SLIT3: variants seen among roughly 807,000 people sequenced by gnomAD.
The protein encoded by SLIT3 is slit homolog 3 protein.
Under a neutral mutation model 184.0 loss-of-function variants are expected in SLIT3, and 68 were observed. The ratio of observed to expected loss-of-function variants is 0.37; its 90% CI spans 0.30 to 0.45. SLIT3 has a LOEUF of 0.45. Among genes scored for constraint, SLIT3 ranks in the 20% least tolerant of loss-of-function variants. SLIT3 has a pLI of 1.00. For missense variants in SLIT3, 1,707 were observed against 2,026.0 expected (o/e 0.84, Z 3.02); for synonymous variants, 831 against 828.6 (o/e 1.00, Z -0.05).
chr5:168,743,574 A>G, intron 20 of SLIT3, among the ~76,000 whole-genome samples: 1 of 152,174 alleles, frequency 6.6e-6, no homozygotes, highest in East Asian at 1.9e-4. Flanking sequence ...GAGACAAAGT[A>G]CAATATTGAA....
intron 6 of SLIT3, among the ~76,000 whole-genome samples, chr5:168,828,658 C>CAAAAAAAAAAAAAAAAAAAAAA (rs56974958): frequency 2.8e-4 from 27 of 97,102 alleles, no homozygotes; most frequent in Middle Eastern, 5.8e-3. Context: ...GATCCTGACT[C>CAAAAAAAAAAAAAAAAAAAAAA]AAAAAAAAAA....
At chr5:168,812,027 C>T (rs762421250) in intron 8 of SLIT3, among the ~76,000 whole-genome samples, 1 of 152,114 alleles carries the variant, frequency 6.6e-6, no homozygotes, top group Non-Finnish European at 1.5e-5. Flanking sequence ...TACTATTCAG[C>T]CATAAAATAT....
chr5:169,074,737 C>T (rs999795666), intron 4 of SLIT3, among the ~76,000 whole-genome samples: 5 of 152,110 alleles, frequency 3.3e-5, no homozygotes, highest in East Asian at 1.9e-4. Context: ...AACATTTTTA[C>T]GGGGAAACAT....
chr5:169,066,260 C>T (rs1185121299), intron 4 of SLIT3, among the ~76,000 whole-genome samples: 1 of 152,192 alleles, frequency 6.6e-6, no homozygotes, highest in African/African-American at 2.4e-5. Flanking sequence ...CTATCTTCCC[C>T]TTTAGTATGA....
In SLIT3 at chr5:169,141,942, C is replaced by T. The variant is rs558338543; in HGVS notation, c.413+51537G>A. On this transcript the variant is annotated intron_variant, in intron 4 of 35. Coordinates refer to ENST00000519560, the MANE Select transcript of SLIT3 (RefSeq NM_003062.4). ...GCGCATGCCTGTAATCCCAGCTACTCGGGAGGCTGAGGCAGGAGAATAGCG... is the reference window on the plus strand; with the variant it reads ...GCGCATGCCTGTAATCCCAGCTACTTGGGAGGCTGAGGCAGGAGAATAGCG... Among the ~76,000 whole-genome samples, 150 of 150,634 alleles carry T rather than the reference C, an allele frequency of 1.0e-3. 5 individuals carry two copies. Among genetic ancestry groups the T allele is most frequent in the African/African-American group, 3.5e-3 (144 of 41,030 alleles).
chr5:169,230,130 T>C lies in SLIT3; in HGVS notation c.341+14575A>G, dbSNP rs79707646. ...AGCTATACCTGTCAATCATTTTGAA[T>C]ATATTCTATTTTTATCCTCCATGCT... On this transcript the variant is annotated intron_variant, in intron 3 of 35. Transcript: ENST00000519560. 7.2e-3 allele frequency among the ~76,000 whole-genome samples: 1,097 copies of C among 152,314 alleles called. 10 individuals carry two copies. Among genetic ancestry groups the C allele is most frequent in the African/African-American group, 0.025 (1,045 of 41,562 alleles).
At chr5:169,104,516 G>A (rs928967669) in intron 4 of SLIT3, among the ~76,000 whole-genome samples, 2 of 152,196 alleles carry the variant, frequency 1.3e-5, no homozygotes, top group African/African-American at 4.8e-5. Flanking sequence ...TTAATCTTAA[G>A]TCAAAGAACC....
chr5:169,184,429 G>C (rs1431992943), intron 4 of SLIT3, among the ~76,000 whole-genome samples: 1 of 152,164 alleles, frequency 6.6e-6, no homozygotes, highest in Non-Finnish European at 1.5e-5. Flanking sequence ...TTTCATGCAG[G>C]ATTCTTGGGA....
Position 168,664,608 on chromosome 5 carries a change from G to T in SLIT3, c.*1846C>A, listed in dbSNP as rs971832185. On this transcript the variant is annotated 3_prime_UTR_variant, in exon 36 of 36. Transcript: ENST00000519560. ...TTCCCTGCGTCTTTGGCCCACCATTGGTACTCACAGATCAACTAGGCTCCT... is the reference window on the plus strand; with the variant it reads ...TTCCCTGCGTCTTTGGCCCACCATTTGTACTCACAGATCAACTAGGCTCCT... The T allele has an allele frequency of 2.0e-5, 3 of 151,924 alleles. No homozygotes were observed. The highest frequency in any genetic ancestry group is 7.3e-5 in the African/African-American group (3 of 41,308). The allele number at this position is 151,924 out of a possible 1,614,324, so 9.4% of individuals were successfully genotyped here. A position where few individuals can be genotyped will look rare whatever the true frequency, so the allele number is the denominator to read the frequency against.
intron 5 of SLIT3, among the ~76,000 whole-genome samples, chr5:168,870,986 A>T (rs576547328): frequency 7.2e-5 from 11 of 152,170 alleles, no homozygotes; most frequent in Non-Finnish European, 1.5e-4. Flanking sequence ...ATTACCACAA[A>T]CTGAGCGTCT....
chr5:168,849,482 T>C (rs1029229219), intron 5 of SLIT3, among the ~76,000 whole-genome samples: 2 of 152,250 alleles, frequency 1.3e-5, no homozygotes, highest in African/African-American at 4.8e-5. Context: ...TGGGGACTTC[T>C]GCATGAAATT....
intron 5 of SLIT3, among the ~76,000 whole-genome samples, chr5:168,866,039 G>A (rs1455081782): frequency 6.6e-6 from 1 of 152,140 alleles, no homozygotes; most frequent in Non-Finnish European, 1.5e-5. Flanking sequence ...AGGAAGCTCT[G>A]TGACTCTTTG....
At chr5:169,062,407 C>T (rs1306170545) in intron 4 of SLIT3, among the ~76,000 whole-genome samples, 2 of 152,176 alleles carry the variant, frequency 1.3e-5, no homozygotes, top group South Asian at 2.1e-4. Flanking sequence ...CTTAATCCTT[C>T]TCCTTACCTT....
At chr5:168,853,283 C>CA (rs1758739114) in intron 5 of SLIT3, among the ~76,000 whole-genome samples, 3 of 152,178 alleles carry the variant, frequency 2.0e-5, no homozygotes, top group South Asian at 4.2e-4. Context: ...AGAAGGATAC[C>CA]AATGTGTGCA....
intron 4 of SLIT3, among the ~76,000 whole-genome samples, chr5:169,006,363 G>C (rs557307225): frequency 6.6e-6 from 1 of 152,196 alleles, no homozygotes. Context: ...GTATTCTACT[G>C]TCCATATGGC....
intron 4 of SLIT3, among the ~76,000 whole-genome samples, chr5:168,982,004 C>T (rs1405874297): frequency 1.3e-5 from 2 of 152,196 alleles, no homozygotes; most frequent in Admixed American, 6.5e-5. Flanking sequence ...CATTTGTGTA[C>T]ATGATATTAA....
At chr5:168,739,723 G>C (rs1233678715) in intron 20 of SLIT3, among the ~76,000 whole-genome samples, 1 of 152,148 alleles carries the variant, frequency 6.6e-6, no homozygotes, top group Non-Finnish European at 1.5e-5. Flanking sequence ...TGGGATTACA[G>C]GCGTGAGCCA....
At chr5:168,672,032 ATCT>A (rs1392888821) in intron 33 of SLIT3, among the ~76,000 whole-genome samples, 15 of 152,166 alleles carry the variant, frequency 9.9e-5, no homozygotes, top group African/African-American at 3.4e-4. Flanking sequence ...TCTTCTCAGG[ATCT>A]TCAAGAGACT....
At chr5:168,899,079 G>C (rs1207427946) in intron 4 of SLIT3, among the ~76,000 whole-genome samples, 3 of 81,200 alleles carry the variant, frequency 3.7e-5, no homozygotes, top group Non-Finnish European at 1.1e-4. Context: ...AAAAATTCTG[G>C]CTTCTCTTTT....
Sources: gnomAD v4.1 joint callset for allele counts (sites outside exome capture counted in the v4.1 genomes callset) on GRCh38, gnomAD v4.1.1 for gene constraint, MANE v1.5 for transcripts, NCBI Gene and HGNC (gene_info 2026-07-23, HGNC 2026-07-21) for gene names.